SLC27A6: variants seen among roughly 807,000 people sequenced by gnomAD.
The protein encoded by SLC27A6 is solute carrier family 27 member 6.
Under a neutral mutation model 63.9 loss-of-function variants are expected in SLC27A6, and 74 were observed. The ratio of observed to expected loss-of-function variants is 1.16; its 90% CI spans 0.96 to 1.40. SLC27A6 has a LOEUF of 1.40. Ranked by LOEUF, SLC27A6 falls within the 40% of genes most tolerant of loss-of-function variation. The probability of loss-of-function intolerance (pLI) is 0.00; values close to 1 mark genes in which losing one functional copy is unlikely to be tolerated. For synonymous variants in SLC27A6, 287 were observed against 260.8 expected (o/e 1.10, Z -0.97); for missense variants, 794 against 732.9 (o/e 1.08, Z -0.96).
chr5:129,032,253 C>A (rs1561636219), intron 9 of SLC27A6, among the ~76,000 whole-genome samples: 3 of 151,920 alleles, frequency 2.0e-5, no homozygotes, highest in Admixed American at 2.0e-4. Context: ...TGAGTAGCCA[C>A]CTGAAAAATA....
intron 4 of SLC27A6, among the ~76,000 whole-genome samples, chr5:129,007,137 T>A (rs1041332729): frequency 2.0e-5 from 3 of 152,118 alleles, no homozygotes; most frequent in African/African-American, 7.2e-5. Context: ...GAGCAGAGAA[T>A]GATCCATTTA....
At chr5:129,002,423 T>C (rs913346351) in intron 4 of SLC27A6, among the ~76,000 whole-genome samples, 1 of 152,070 alleles carries the variant, frequency 6.6e-6, no homozygotes, top group African/African-American at 2.4e-5. Context: ...GTAAAGCTGG[T>C]TTCCTCCCCA....
chr5:128,984,169 A>G (rs1052098320), intron 1 of SLC27A6, among the ~76,000 whole-genome samples: 2 of 152,214 alleles, frequency 1.3e-5, no homozygotes, highest in Non-Finnish European at 2.9e-5. Context: ...AATTTAAATA[A>G]TATAAATAAT....
chr5:128,993,317 C>A (rs1397011392), intron 4 of SLC27A6, among the ~76,000 whole-genome samples: 1 of 152,058 alleles, frequency 6.6e-6, no homozygotes, highest in East Asian at 1.9e-4. Context: ...TTTCCAAGGC[C>A]CACCCTTTCA....
At chr5:129,027,048 G>T in intron 6 of SLC27A6, 85 bp from the exon 7 acceptor site, 1 of 1,127,084 alleles carries the variant, frequency 8.9e-7, no homozygotes. Context: ...TGGTTGTGCT[G>T]GCCAGATATA....
chr5:128,970,849 T>C (rs1429716645), intron 1 of SLC27A6, among the ~76,000 whole-genome samples: 1 of 150,962 alleles, frequency 6.6e-6, no homozygotes, highest in East Asian at 1.9e-4. Flanking sequence ...ATTGTGATGT[T>C]AGGGTGTCAA....
intron 6 of SLC27A6, among the ~76,000 whole-genome samples, chr5:129,025,971 C>CA: frequency 6.6e-6 from 1 of 152,030 alleles, no homozygotes; most frequent in Admixed American, 6.6e-5. Context: ...CTCGTGTCTA[C>CA]AAAAAAATTA....
At chr5:128,996,452 AAG>A (rs1473919330) in intron 4 of SLC27A6, among the ~76,000 whole-genome samples, 2 of 152,220 alleles carry the variant, frequency 1.3e-5, no homozygotes, top group Non-Finnish European at 2.9e-5. Flanking sequence ...CCATTATAAA[AAG>A]AGAGGTGTTT....
chr5:129,000,747 T>A (rs1410733343), intron 4 of SLC27A6, among the ~76,000 whole-genome samples: 6 of 152,142 alleles, frequency 3.9e-5, no homozygotes, highest in African/African-American at 1.2e-4. Flanking sequence ...TCCCTTCACA[T>A]CTACGCATCC....
chr5:129,016,216 C>T, intron 5 of SLC27A6, 137 bp downstream of exon 5: 1 of 571,948 alleles, frequency 1.7e-6, no homozygotes, highest in Non-Finnish European at 3.0e-6. Flanking sequence ...CACAGTGAAA[C>T]CCTGTCTCTA....
intron 1 of SLC27A6, among the ~76,000 whole-genome samples, chr5:128,972,798 T>G (rs1033584515): frequency 2.0e-5 from 3 of 152,216 alleles, no homozygotes; most frequent in Admixed American, 1.3e-4. Flanking sequence ...CTCCATCCAG[T>G]TTTGTTCCAT....
At chr5:129,001,027 CT>C (rs1751316429) in intron 4 of SLC27A6, among the ~76,000 whole-genome samples, 1 of 152,154 alleles carries the variant, frequency 6.6e-6, no homozygotes, top group African/African-American at 2.4e-5. Flanking sequence ...TCACAGAAGT[CT>C]TTTCAAACTA....
intron 1 of SLC27A6, among the ~76,000 whole-genome samples, chr5:128,975,919 TG>T (rs1416610405): frequency 6.6e-6 from 1 of 152,180 alleles, no homozygotes; most frequent in African/African-American, 2.4e-5. Context: ...GCATTATCAG[TG>T]CTTAGAACAC....
At chr5:128,967,769 T>G in intron 1 of SLC27A6, among the ~76,000 whole-genome samples, 1 of 152,164 alleles carries the variant, frequency 6.6e-6, no homozygotes, top group Non-Finnish European at 1.5e-5. Flanking sequence ...ATTATTATTT[T>G]TTATTATTAT....
intron 4 of SLC27A6, among the ~76,000 whole-genome samples, chr5:128,991,143 C>G (rs1419270136): frequency 2.0e-5 from 3 of 152,216 alleles, no homozygotes; most frequent in Admixed American, 6.5e-5. Context: ...CCTGTGCTCT[C>G]AGGTGATAGA....
chr5:129,025,115 A>G (rs1183775286), intron 6 of SLC27A6, among the ~76,000 whole-genome samples: 1 of 152,154 alleles, frequency 6.6e-6, no homozygotes, highest in Non-Finnish European at 1.5e-5. Flanking sequence ...ATGTAACCTC[A>G]GGGTTTCTTA....
intron 4 of SLC27A6, among the ~76,000 whole-genome samples, chr5:128,994,312 G>T (rs1455458078): frequency 1.3e-5 from 2 of 152,056 alleles, no homozygotes; most frequent in African/African-American, 4.8e-5. Flanking sequence ...TTACCCAAAG[G>T]GAAACTTAAT....
At chr5:129,023,412 ATGAC>A (rs1752137022) in intron 5 of SLC27A6, among the ~76,000 whole-genome samples, 1 of 152,134 alleles carries the variant, frequency 6.6e-6, no homozygotes, top group African/African-American at 2.4e-5. Context: ...ATGCCAGTAA[ATGAC>A]TGCTGTTTAC....
intron 1 of SLC27A6, among the ~76,000 whole-genome samples, chr5:128,967,416 G>C (rs1309964771): frequency 6.6e-6 from 1 of 152,200 alleles, no homozygotes; most frequent in Admixed American, 6.5e-5. Context: ...GGTTTATGCA[G>C]AGTCTTCTTC....
Sources: allele counts gnomAD v4.1 joint callset (sites outside exome capture counted in the v4.1 genomes callset), GRCh38; gene constraint gnomAD v4.1.1; transcripts MANE v1.5; gene names NCBI Gene and HGNC (gene_info 2026-07-23, HGNC 2026-07-21).